Variants in MTHFD2L observed in about 807,000 individuals in gnomAD.
The protein encoded by MTHFD2L is methylenetetrahydrofolate dehydrogenase (NADP+ dependent) 2 like, also known as bifunctional methylenetetrahydrofolate dehydrogenase/cyclohydrolase 2, mitochondrial.
In MTHFD2L, 29 loss-of-function variants were observed where a neutral mutation model predicts 34.9. The ratio of observed to expected loss-of-function variants is 0.83; its 90% confidence interval spans 0.62 to 1.13. The LOEUF (loss-of-function observed/expected upper bound fraction) is 1.13. MTHFD2L is among the 50% of genes most tolerant of loss of function. MTHFD2L has a pLI of 0.00. For missense variants in MTHFD2L, 481 were observed against 446.5 expected, an observed-to-expected ratio of 1.08 and a Z score of -0.70; for synonymous variants, 167 against 155.7, an observed-to-expected ratio of 1.07 and a Z score of -0.54.
chr4:74,225,338 C>G lies in MTHFD2L; in HGVS notation c.749C>G (p.Pro250Arg). 6.2e-7 allele frequency: 1 copy of G among 1,613,096 alleles called. No individual in the cohort carries two copies. The highest frequency in any genetic ancestry group is 8.5e-7 in the Non-Finnish European group (1 of 1,179,356). ...ATVTIAHRYTPKEQLKIHTQL... is the reference protein window; with the variant it reads ...ATVTIAHRYTRKEQLKIHTQL... ...GTGACAATAGCTCACAGATACACCC[C>G]CAAAGAGCAACTGAAGATTCATACG... Residue 250 changes from proline to arginine, a missense_variant, in exon 6 of 8, where the codon CCC (proline) becomes CGC (arginine). Transcript: ENST00000325278.
chr4:74,145,430 G>A (rs1320718804), intron 1 of MTHFD2L, among the ~76,000 whole-genome samples: 1 of 152,112 alleles, frequency 6.6e-6, no homozygotes, highest in Non-Finnish European at 1.5e-5. Flanking sequence ...TTTGGTATCT[G>A]TCGGGGAGGC....
At chr4:74,252,091 T>C (rs545803139) in intron 6 of MTHFD2L, among the ~76,000 whole-genome samples, 3 of 152,342 alleles carry the variant, frequency 2.0e-5, no homozygotes, top group Admixed American at 2.0e-4. Context: ...TGGTGCTGGG[T>C]GCTGGGAAAG....
At chr4:74,265,127 A>G (rs928728044) in intron 6 of MTHFD2L, among the ~76,000 whole-genome samples, 2 of 152,164 alleles carry the variant, frequency 1.3e-5, no homozygotes, top group Admixed American at 1.3e-4. Context: ...GTGGCTTAAA[A>G]CAATAGTCAT....
At chr4:74,150,619 CAT>C (rs1723873220) in intron 1 of MTHFD2L, among the ~76,000 whole-genome samples, 2 of 152,084 alleles carry the variant, frequency 1.3e-5, no homozygotes, top group South Asian at 4.1e-4. Context: ...AAAGCCAATG[CAT>C]ATATATTATT....
chr4:74,131,531 T>C (rs1174707034), intron 1 of MTHFD2L, among the ~76,000 whole-genome samples: 3 of 152,194 alleles, frequency 2.0e-5, no homozygotes, highest in African/African-American at 4.8e-5. Context: ...GCTAGCCATA[T>C]GCAGAAAACT....
intron 5 of MTHFD2L, among the ~76,000 whole-genome samples, chr4:74,214,109 T>C (rs978631377): frequency 6.6e-6 from 1 of 151,824 alleles, no homozygotes; most frequent in African/African-American, 2.4e-5. Context: ...GCAATTCCTG[T>C]AACCTCTTTT....
intron 6 of MTHFD2L, among the ~76,000 whole-genome samples, chr4:74,241,118 G>A (rs1741641644): frequency 6.6e-6 from 1 of 152,056 alleles, no homozygotes; most frequent in Non-Finnish European, 1.5e-5. Flanking sequence ...AGGAAGGAGT[G>A]GGGCAAGAAT....
Position 74,172,782 on chromosome 4 carries a change from G to A in MTHFD2L, c.144-1724G>A, listed in dbSNP as rs1449031662. 2.0e-5 allele frequency among the ~76,000 whole-genome samples: 3 copies of A among 152,250 alleles called. No homozygotes were observed. In the East Asian group the frequency reaches 5.8e-4, roughly 29 times the overall value. The stretch of plus-strand genomic sequence containing the variant: ...TGGAATTGCTTCTTAGCAGAACATT[G>A]TTTACATCAAAATTGCATGAACTGA... On this transcript the variant is annotated intron_variant, in intron 1 of 7. Transcript: ENST00000325278.
At chr4:74,204,261 TCTC>T (rs1346209528) in intron 5 of MTHFD2L, among the ~76,000 whole-genome samples, 3 of 152,220 alleles carry the variant, frequency 2.0e-5, no homozygotes, top group Non-Finnish European at 4.4e-5. Context: ...AATATTAATA[TCTC>T]CTCAACTTGG....
At chr4:74,157,632 C>G (rs1277418316), upstream of MTHFD2L, 2 of 456,604 alleles carry the variant, frequency 4.4e-6, no homozygotes, top group East Asian at 1.4e-4. Context: ...TGCTCCTTCT[C>G]CACACACCTT....
At chr4:74,118,842 G>A (rs182851778), upstream of MTHFD2L, among the ~76,000 whole-genome samples, 45 of 152,250 alleles carry the variant, frequency 3.0e-4, no homozygotes, top group African/African-American at 8.4e-4. Context: ...GCCTCCTGTC[G>A]GATCAGTGGT....
At chr4:74,233,940 T>C (rs746866070) in intron 6 of MTHFD2L, among the ~76,000 whole-genome samples, 6 of 151,906 alleles carry the variant, frequency 3.9e-5, no homozygotes, top group Non-Finnish European at 5.9e-5. Context: ...TCAACACATA[T>C]ATATGTACTA....
intron 3 of MTHFD2L, chr4:74,183,856 T>A (rs1051434903): frequency 6.6e-6 from 1 of 152,060 alleles, no homozygotes; most frequent in African/African-American, 2.4e-5. Flanking sequence ...ATAATTAATG[T>A]TTAACCAAAG....
chr4:74,209,760 GA>G (rs1432091039), intron 5 of MTHFD2L, among the ~76,000 whole-genome samples: 2 of 152,166 alleles, frequency 1.3e-5, no homozygotes, highest in Admixed American at 6.5e-5. Context: ...GATCCTTGAG[GA>G]ATTGCCATGC....
At chr4:74,236,785 A>T (rs568645824) in intron 6 of MTHFD2L, among the ~76,000 whole-genome samples, 1 of 152,352 alleles carries the variant, frequency 6.6e-6, no homozygotes, top group East Asian at 1.9e-4. Flanking sequence ...GATATGTCCC[A>T]TGAATATTAT....
At chr4:74,279,993 C>T (rs990624244) in intron 6 of MTHFD2L, among the ~76,000 whole-genome samples, 3 of 152,022 alleles carry the variant, frequency 2.0e-5, no homozygotes, top group African/African-American at 4.8e-5. Context: ...TTAAGCCACC[C>T]GTAATGCTTA....
intron 6 of MTHFD2L, among the ~76,000 whole-genome samples, chr4:74,278,329 C>T (rs1746958182): frequency 6.6e-6 from 1 of 152,086 alleles, no homozygotes; most frequent in Non-Finnish European, 1.5e-5. Flanking sequence ...AAGTACAGCA[C>T]TTCATGAGAA....
intron 3 of MTHFD2L, among the ~76,000 whole-genome samples, chr4:74,187,786 T>A (rs1579708): frequency 2.7e-5 from 4 of 147,714 alleles, no homozygotes; most frequent in South Asian, 2.2e-4. Flanking sequence ...CCAGCCATTC[T>A]GTGCCTGTGT....
chr4:74,286,210 A>T (rs764452765), intron 7 of MTHFD2L, among the ~76,000 whole-genome samples: 1 of 152,158 alleles, frequency 6.6e-6, no homozygotes, highest in South Asian at 2.1e-4. Flanking sequence ...CTCCTAACTT[A>T]TGTCATTAAA....
Sources: gnomAD v4.1 joint callset for allele counts (sites outside exome capture counted in the v4.1 genomes callset) on GRCh38, gnomAD v4.1.1 for gene constraint, MANE v1.5 for transcripts, NCBI Gene and HGNC (gene_info 2026-07-23, HGNC 2026-07-21) for gene names.